SEPTIN12: variants seen among roughly 807,000 people sequenced by gnomAD.
SEPTIN12 encodes septin-12.
SEPTIN12 carries 42 observed loss-of-function variants against 37.7 expected under a neutral mutation model. The ratio of observed to expected loss-of-function variants is 1.11; its 90% CI spans 0.87 to 1.44. SEPTIN12 has a LOEUF of 1.44. Among genes scored for constraint, SEPTIN12 ranks in the 40% most tolerant of loss-of-function variants. SEPTIN12 has a pLI of 0.00. For synonymous variants in SEPTIN12, 254 were observed against 196.7 expected, an observed-to-expected ratio of 1.29 and a Z score of -2.44; for missense variants, 613 against 479.2, an observed-to-expected ratio of 1.28 and a Z score of -2.61.
At chr16:4,791,021 C>T (rs942520392), upstream of SEPTIN12, among the ~76,000 whole-genome samples, 1 of 152,202 alleles carries the variant, frequency 6.6e-6, no homozygotes, top group African/African-American at 2.4e-5. Context: ...GAACAAATGG[C>T]TCTGGTGATG....
At chr16:4,779,230 C>T (rs981437970) in intron 8 of SEPTIN12, among the ~76,000 whole-genome samples, 4 of 151,518 alleles carry the variant, frequency 2.6e-5, no homozygotes, top group African/African-American at 9.7e-5. Flanking sequence ...CTAAGGCAGT[C>T]TCCTCTCCCT....
Position 4,783,020 on chromosome 16 carries a change from G to A in SEPTIN12, c.726+442C>T, listed in dbSNP as rs145387272. 3.6e-4 allele frequency among the ~76,000 whole-genome samples: 55 copies of A among 151,674 alleles called. No individual in the cohort carries two copies. In the East Asian group the frequency reaches 7.6e-3, roughly 21 times the overall value. ...TGCCTCCCAGTTTCAAAATTCTCCC[G>A]CTTCAGCCTCCTGAGTAGCTGGGAC... On this transcript the variant is annotated intron_variant, in intron 7 of 9. Transcript: ENST00000268231.
At chr16:4,789,245 C>T (rs537153544), upstream of SEPTIN12, among the ~76,000 whole-genome samples, 1 of 152,308 alleles carries the variant, frequency 6.6e-6, no homozygotes, top group African/African-American at 2.4e-5. Context: ...CTTCTGACCT[C>T]AAGTGATCCA....
intron 7 of SEPTIN12, 30 bp from the exon 8 acceptor site, chr16:4,779,816 G>T (rs917225029): frequency 2.7e-6 from 4 of 1,465,708 alleles, no homozygotes; most frequent in Non-Finnish European, 2.9e-6. Context: ...AGAGATGGGA[G>T]GATTGACTTC....
At chr16:4,784,427 C>T (rs1228193711) in intron 4 of SEPTIN12, 1 of 273,682 alleles carries the variant, frequency 3.7e-6, no homozygotes, top group Admixed American at 4.3e-5. Context: ...GAGTCCCTTC[C>T]CCTCTTGGGT....
chr16:4,781,151 CA>C (rs1172049910), intron 7 of SEPTIN12, among the ~76,000 whole-genome samples: 1 of 151,664 alleles, frequency 6.6e-6, no homozygotes, highest in Non-Finnish European at 1.5e-5. Context: ...CCCAGCTACT[CA>C]GGAGGCTGAG....
Position 4,785,796 on chromosome 16 carries a change from A to AAGT in SEPTIN12, c.374+10_374+11insACT. The AAGT allele has an allele frequency of 6.5e-7, 1 of 1,536,190 alleles. No homozygotes were observed. Among genetic ancestry groups the AAGT allele is most frequent in the Non-Finnish European group, 8.8e-7 (1 of 1,133,078 alleles). ...TCTGCCTAAAAAAAAAAAAAAAGAG[A>AAGT]GAGAACCTACCAGTTGTCATTGTTG... On this transcript the variant is annotated intron_variant, in intron 4 of 9. Transcript: ENST00000268231.
Position 4,786,543 on chromosome 16 carries a change from G to A in SEPTIN12, c.167-438C>T, listed in dbSNP as rs1230930642. Among the ~76,000 whole-genome samples the A allele has an allele frequency of 3.3e-5, 5 of 151,752 alleles. No homozygotes were observed. In the East Asian group the frequency reaches 5.8e-4, roughly 18 times the overall value. ...CTAATTTTTTTGTATTTTTAGTAGA[G>A]ACGGGGTTTCACCATGTTAGCCAGG... On this transcript the variant is annotated intron_variant, in intron 2 of 9. Coordinates refer to ENST00000268231, the MANE Select transcript of SEPTIN12 (RefSeq NM_144605.5).
chr16:4,784,183 G>A, intron 4 of SEPTIN12, 115 bp from the exon 5 acceptor site: 3 of 1,253,544 alleles, frequency 2.4e-6, no homozygotes, highest in Non-Finnish European at 3.4e-6. Context: ...GTCCCGGTTG[G>A]CCCGGGACCT....
At chr16:4,780,971 C>T (rs2082365711) in intron 7 of SEPTIN12, among the ~76,000 whole-genome samples, 1 of 151,758 alleles carries the variant, frequency 6.6e-6, no homozygotes, top group East Asian at 1.9e-4. Flanking sequence ...AGAACAAGAC[C>T]CTGTCTCTGC....
At chr16:4,784,497 C>A (rs1484892458) in intron 4 of SEPTIN12, among the ~76,000 whole-genome samples, 3 of 148,502 alleles carry the variant, frequency 2.0e-5, no homozygotes, top group East Asian at 4.0e-4. Context: ...AGGCCAGGCC[C>A]GATGGCTCAT....
intron 2 of SEPTIN12, among the ~76,000 whole-genome samples, chr16:4,786,594 A>G (rs1480447982): frequency 6.6e-6 from 1 of 151,654 alleles, no homozygotes; most frequent in Non-Finnish European, 1.5e-5. Flanking sequence ...TGACCTCATG[A>G]TCCGCCTGCC....
Position 4,779,803 on chromosome 16 carries a change from C to T in SEPTIN12, c.727-17G>A. The T allele has an allele frequency of 6.4e-7, 1 of 1,558,746 alleles. No individual in the cohort carries two copies. Among genetic ancestry groups the T allele is most frequent in the Non-Finnish European group, 8.9e-7 (1 of 1,129,636 alleles). ...GATTCGGTCCTGGGAAAGGAGAAGA[C>T]ACAGAGATGGGAGGATTGACTTCGC... is the stretch of plus-strand genomic sequence containing the variant. On this transcript the variant is annotated splice_polypyrimidine_tract_variant and intron_variant, in intron 7 of 9. Transcript: ENST00000268231.
Position 4,787,637 on chromosome 16 carries a change from G to A in SEPTIN12, c.9C>T (p.Pro3=), listed in dbSNP as rs1369754119. The part of the protein sequence containing the change: MD[P]LRRSPSPCLS... ...GGCAGGGAGAGGGGGAGCGCCTCAG[G>A]GGGTCCATGGGGGCCAAGGGTTCGA... is the stretch of plus-strand genomic sequence containing the variant. The change falls in exon 2 of 10, where the codon CCC becomes CCT. Residue 3 remains proline (P), a synonymous_variant. Coordinates refer to ENST00000268231, the MANE Select transcript of SEPTIN12 (RefSeq NM_144605.5). 1 of 1,576,552 alleles carries A rather than the reference G, an allele frequency of 6.3e-7. No homozygotes were observed. Among genetic ancestry groups the A allele is most frequent in the Admixed American group, 1.7e-5 (1 of 58,574 alleles).
At chr16:4,782,456 G>T (rs1348724330) in intron 7 of SEPTIN12, among the ~76,000 whole-genome samples, 4 of 152,054 alleles carry the variant, frequency 2.6e-5, no homozygotes, top group African/African-American at 9.7e-5. Flanking sequence ...GTTTCTTTTG[G>T]GTATACACGT....
Position 4,783,999 on chromosome 16 carries a change from G to C in SEPTIN12, c.444C>G (p.Thr148=). The change falls in exon 5 of 10, where the codon ACC becomes ACG. Residue 148 remains threonine, a synonymous_variant. Coordinates refer to ENST00000268231, the MANE Select transcript of SEPTIN12 (RefSeq NM_144605.5). The part of the protein sequence containing the change: ...EQYLQEEILI[T]RQRHIPDTRV... ...GGGTGTCTGGGATGTGGCGCTGGCGGGTGATGAGGATCTCCTCCTGCAGGT... is the reference window on the plus strand; with the variant it reads ...GGGTGTCTGGGATGTGGCGCTGGCGCGTGATGAGGATCTCCTCCTGCAGGT... 6.2e-7 allele frequency: 1 copy of C among 1,614,196 alleles called. No individual in the cohort carries two copies. Among genetic ancestry groups the C allele is most frequent in the Non-Finnish European group, 8.5e-7 (1 of 1,180,012 alleles).
chr16:4,779,900 A>G (rs1232319953), intron 7 of SEPTIN12, 114 bp from the exon 8 acceptor site: 2 of 724,228 alleles, frequency 2.8e-6, no homozygotes, highest in Non-Finnish European at 4.9e-6. Context: ...AGGAGGGAAC[A>G]TGGTAGAAAG....
chr16:4,779,720 C>T lies in SEPTIN12; in HGVS notation c.793G>A (p.Gly265Ser), dbSNP rs2082352049. The change falls in exon 8 of 10, where the codon GGC becomes AGC. Residue 265 changes from glycine (G) to serine (S), a missense_variant. Physicochemically the swap from Gly to Ser is moderately conservative, Grantham distance 56. Coordinates refer to ENST00000268231, the MANE Select transcript of SEPTIN12 (RefSeq NM_144605.5). ...EHLVNGRCVL[G>S]RKTKWGIIEV... ...ATGATGCCCCACTTGGTCTTCCGGC[C>T]CAGGACACACCTCCCGTTCACCAGG... 1 of 1,613,614 alleles carries T rather than the reference C, an allele frequency of 6.2e-7. No individual in the cohort carries two copies. Among genetic ancestry groups the T allele is most frequent in the East Asian group, 2.2e-5 (1 of 44,886 alleles).
chr16:4,791,822 G>C (rs1267263634), upstream of SEPTIN12, among the ~76,000 whole-genome samples: 4 of 151,984 alleles, frequency 2.6e-5, no homozygotes, highest in Non-Finnish European at 5.9e-5. Context: ...CGAGTAGCTG[G>C]GATTACTGGC....
Sources: gnomAD v4.1 joint callset for allele counts (sites outside exome capture counted in the v4.1 genomes callset) on GRCh38, gnomAD v4.1.1 for gene constraint, MANE v1.5 for transcripts, NCBI Gene and HGNC (gene_info 2026-07-23, HGNC 2026-07-21) for gene names.